SNU13: variants seen among roughly 807,000 people sequenced by gnomAD.
SNU13 encodes the protein small nuclear ribonucleoprotein 13.
Under a neutral mutation model 12.4 loss-of-function variants are expected in SNU13, and 2 were observed. That is an observed-to-expected ratio of 0.16 (90% CI 0.07 to 0.51). SNU13 has a LOEUF of 0.51. SNU13 is among the 20% of genes least tolerant of loss of function. SNU13 has a pLI of 0.96. For synonymous variants in SNU13, 68 were observed against 66.5 expected, an observed-to-expected ratio of 1.02 and a Z score of -0.11; for missense variants, 66 against 157.8, an observed-to-expected ratio of 0.42 and a Z score of 3.12.
At chr22:41,683,945 C>G (rs1056358243) in intron 1 of SNU13, among the ~76,000 whole-genome samples, 9 of 152,052 alleles carry the variant, frequency 5.9e-5, no homozygotes, top group African/African-American at 2.2e-4. Context: ...CTCTGTTGCC[C>G]AGGCTGGAGT....
intron 1 of SNU13, among the ~76,000 whole-genome samples, chr22:41,684,111 G>A (rs2068289368): frequency 6.6e-6 from 1 of 151,950 alleles, no homozygotes; most frequent in Admixed American, 6.6e-5. Context: ...TGCCATGTTG[G>A]CCAGGCTGGT....
intron 1 of SNU13, among the ~76,000 whole-genome samples, chr22:41,683,858 A>G (rs1308375813): frequency 1.3e-5 from 2 of 152,124 alleles, no homozygotes; most frequent in African/African-American, 4.8e-5. Context: ...TCTCATGCCA[A>G]GAAAATTTAG....
At chr22:41,689,023 G>T, upstream of SNU13, 1 of 1,277,836 alleles carries the variant, frequency 7.8e-7, no homozygotes, top group South Asian at 2.7e-5. Context: ...CTTATGAGCT[G>T]CCTAGTACAA....
chr22:41,681,211 T>C (rs2068260648), intron 1 of SNU13: 1 of 152,240 alleles, frequency 6.6e-6, no homozygotes, highest in African/African-American at 2.4e-5. Context: ...ATACCACCTC[T>C]ACCAACAAAC....
chr22:41,684,475 C>G (rs1035761586), intron 1 of SNU13, among the ~76,000 whole-genome samples: 2 of 152,132 alleles, frequency 1.3e-5, no homozygotes, highest in African/African-American at 2.4e-5. Flanking sequence ...CTTCCCCCCT[C>G]TGCCCTTGTC....
chr22:41,687,795 G>A (rs958733712), intron 1 of SNU13: 1 of 152,200 alleles, frequency 6.6e-6, no homozygotes, highest in Non-Finnish European at 1.5e-5. Flanking sequence ...CTCATGCACT[G>A]TCATCCCCAT....
intron 1 of SNU13, among the ~76,000 whole-genome samples, chr22:41,681,750 C>T (rs911456616): frequency 1.6e-4 from 25 of 152,318 alleles, no homozygotes; most frequent in Admixed American, 1.6e-3. Context: ...CGGTGTCTCA[C>T]GCCTGTAGTC....
chr22:41,682,493 G>C (rs1400588995), intron 1 of SNU13: 1 of 1,571,068 alleles, frequency 6.4e-7, no homozygotes, highest in African/African-American at 1.3e-5. Context: ...ACTGCCGCCA[G>C]CGGAAGTGAC....
intron 1 of SNU13, among the ~76,000 whole-genome samples, chr22:41,681,960 C>T (rs2068267249): frequency 1.3e-5 from 2 of 150,840 alleles, no homozygotes; most frequent in Admixed American, 1.3e-4. Flanking sequence ...ATTCCCACTG[C>T]TCCAGTAAAT....
In SNU13 at chr22:41,675,271, C is replaced by T. The variant is rs2068202225; in HGVS notation, c.125-76G>A. 5 of 1,544,704 alleles carry T rather than the reference C, an allele frequency of 3.2e-6. No homozygotes were observed. The South Asian group carries it at 3.6e-5, about 11-fold the overall frequency. ...CAGCCACAACAAACTGGGAAGAATG[C>T]CTAGGCACACACAATTATGTGTCCT... On this transcript the variant is annotated intron_variant, in intron 2 of 2. Transcript: ENST00000401959.
chr22:41,680,938 C>T (rs2068258350), intron 1 of SNU13, among the ~76,000 whole-genome samples: 1 of 152,236 alleles, frequency 6.6e-6, no homozygotes, highest in African/African-American at 2.4e-5. Flanking sequence ...CGCCTGTAAT[C>T]ACAGCACTTT....
At chr22:41,685,375 C>T (rs978935146) in intron 1 of SNU13, among the ~76,000 whole-genome samples, 14 of 151,730 alleles carry the variant, frequency 9.2e-5, no homozygotes, top group African/African-American at 2.2e-4. Flanking sequence ...TTTTTTGAGA[C>T]GGAGTTTTGC....
intron 1 of SNU13, among the ~76,000 whole-genome samples, chr22:41,687,041 C>T (rs111247261): frequency 0.013 from 1,979 of 151,992 alleles, 42 homozygotes; most frequent in African/African-American, 0.042. Context: ...CTGCAACCCC[C>T]GCCTCCCAGG....
Position 41,688,855 on chromosome 22 carries a change from C to A in SNU13, c.-59G>T, listed in dbSNP as rs2068335820. ...GAGCGCAGCTGACGTTTCAGAAGCA[C>A]TCGCGTGCACCGGAAAAACTCACAG... On this transcript the variant is annotated 5_prime_UTR_variant, in exon 1 of 3. Coordinates refer to ENST00000401959, the MANE Select transcript of SNU13 (RefSeq NM_001003796.2). 1.3e-6 allele frequency: 2 copies of A among 1,538,682 alleles called. No homozygotes were observed. The highest frequency in any genetic ancestry group is 1.9e-5 in the Admixed American group (1 of 52,368).
chr22:41,677,324 G>A (rs1035058886), intron 2 of SNU13, among the ~76,000 whole-genome samples: 29 of 152,198 alleles, frequency 1.9e-4, no homozygotes, highest in African/African-American at 6.5e-4. Context: ...CAGAGTTTGA[G>A]ACCAGCCTGG....
At chr22:41,677,320 T>C (rs539784199) in intron 2 of SNU13, among the ~76,000 whole-genome samples, 1 of 152,236 alleles carries the variant, frequency 6.6e-6, no homozygotes, top group East Asian at 1.9e-4. Flanking sequence ...AACTCAGAGT[T>C]TGAGACCAGC....
intron 1 of SNU13, chr22:41,682,578 C>T: frequency 6.9e-7 from 1 of 1,444,476 alleles, no homozygotes; most frequent in Non-Finnish European, 9.1e-7. Context: ...TTGTCTTGGT[C>T]CCAGGACAAC....
chr22:41,688,970 C>A, upstream of SNU13: 2 of 1,348,504 alleles, frequency 1.5e-6, no homozygotes, highest in Non-Finnish European at 1.9e-6. Context: ...GGCACTGGCG[C>A]GGAAACTGGC....
intron 1 of SNU13, 88 bp from the exon 2 acceptor site, chr22:41,680,452 A>G (rs146117807): frequency 5.6e-6 from 8 of 1,432,592 alleles, no homozygotes; most frequent in Middle Eastern, 3.7e-4. Context: ...ATTGAGACAC[A>G]GGGGGCAGCT....
Sources: gnomAD v4.1 joint callset for allele counts (sites outside exome capture counted in the v4.1 genomes callset) on GRCh38, gnomAD v4.1.1 for gene constraint, MANE v1.5 for transcripts, NCBI Gene and HGNC (gene_info 2026-07-23, HGNC 2026-07-21) for gene names.